The following USH2A variants were observed in gnomAD, a reference collection of about 807,000 sequenced individuals.
USH2A encodes Usher syndrome 2A (autosomal recessive, mild).
Under a neutral mutation model 538.9 loss-of-function variants are expected in USH2A, and 443 were observed. That is an observed-to-expected ratio of 0.82 (90% CI 0.76 to 0.89). USH2A has a LOEUF of 0.89. Ranked by LOEUF, USH2A falls within the 40% of genes least tolerant of loss-of-function variation. USH2A has a pLI of 0.00. For synonymous variants in USH2A, 2,413 were observed against 2,273.5 expected, an observed-to-expected ratio of 1.06 and a Z score of -1.75; for missense variants, 6,633 against 6,324.8, an observed-to-expected ratio of 1.05 and a Z score of -1.65.
intron 61 of USH2A, among the ~76,000 whole-genome samples, chr1:215,710,956 GCAAGCAATCTA>G (rs1430681425): frequency 1.3e-5 from 2 of 151,590 alleles, no homozygotes; most frequent in Non-Finnish European, 2.9e-5. Flanking sequence ...GATCCTCAAG[GCAAGCAATCTA>G]CTAACACTGC....
At chr1:215,838,433 C>G (rs1663589832) in intron 46 of USH2A, among the ~76,000 whole-genome samples, 1 of 152,142 alleles carries the variant, frequency 6.6e-6, no homozygotes, top group South Asian at 2.1e-4. Context: ...AGTTTGCAAG[C>G]ATAACAGGTT....
At chr1:215,801,286 G>A (rs200918173) in intron 49 of USH2A, among the ~76,000 whole-genome samples, 1 of 150,928 alleles carries the variant, frequency 6.6e-6, no homozygotes, top group Non-Finnish European at 1.5e-5. Flanking sequence ...ATTATGGCTA[G>A]AGCAATAGGC....
intron 21 of USH2A, among the ~76,000 whole-genome samples, chr1:216,134,590 A>G (rs750400947): frequency 1.3e-4 from 20 of 152,168 alleles, no homozygotes; most frequent in Non-Finnish European, 2.9e-4. Context: ...ATCAACTTAA[A>G]GTCCATCCCT....
rs542383723 is a variant in USH2A, at chr1:216,067,884, T to C, written c.6049+2217A>G. 1.5e-4 allele frequency among the ~76,000 whole-genome samples: 23 copies of C among 152,200 alleles called. 2 individuals are homozygous for C. The South Asian group carries it at 4.8e-3, about 32-fold the overall frequency. On this transcript the variant is annotated intron_variant, in intron 30 of 71. Transcript: ENST00000307340. The stretch of plus-strand genomic sequence containing the variant: ...AGCAGCATCTATCTGGTATTTGATG[T>C]TATGAGAGTCAATAAGGCTTCTGGA...
chr1:215,921,424 A>G (rs1196698450), intron 38 of USH2A, among the ~76,000 whole-genome samples: 1 of 151,994 alleles, frequency 6.6e-6, no homozygotes, highest in Non-Finnish European at 1.5e-5. Flanking sequence ...TAAACTTTAG[A>G]GCATGGGTTA....
chr1:216,339,456 T>A (rs2038034173), intron 4 of USH2A, among the ~76,000 whole-genome samples: 1 of 151,728 alleles, frequency 6.6e-6, no homozygotes, highest in Non-Finnish European at 1.5e-5. Flanking sequence ...AGAACACACA[T>A]GATAATGATA....
chr1:216,000,665 G>T, intron 32 of USH2A, 103 bp from the exon 33 acceptor site: 1 of 1,407,968 alleles, frequency 7.1e-7, no homozygotes, highest in Non-Finnish European at 1.0e-6. Flanking sequence ...GTTAAGATAA[G>T]GCTTAAAATA....
In USH2A at chr1:215,887,148, C is replaced by T. The variant is rs182183802; in HGVS notation, c.8223+1278G>A. On this transcript the variant is annotated intron_variant, in intron 41 of 71. Coordinates refer to ENST00000307340, the MANE Select transcript of USH2A (RefSeq NM_206933.4). Reference sequence around the variant, plus strand: ...CTGGGATTACAGGCGTGAGCCACCGCACCCGGCCTGAAAATACTTACTCTT... The same window carrying T: ...CTGGGATTACAGGCGTGAGCCACCGTACCCGGCCTGAAAATACTTACTCTT... Among the ~76,000 whole-genome samples, 283 of 152,328 alleles carry T rather than the reference C, an allele frequency of 1.9e-3. 1 individual carries two copies. Among genetic ancestry groups the T allele is most frequent in the African/African-American group, 6.7e-3 (277 of 41,576 alleles).
At chr1:215,926,454 C>A (rs1229400830) in intron 38 of USH2A, among the ~76,000 whole-genome samples, 2 of 151,862 alleles carry the variant, frequency 1.3e-5, no homozygotes, top group East Asian at 1.9e-4. Context: ...TTTCTTTTTT[C>A]TTTTAAGGCA....
At chr1:216,415,749 A>T (rs1173194977) in intron 3 of USH2A, among the ~76,000 whole-genome samples, 2 of 150,974 alleles carry the variant, frequency 1.3e-5, no homozygotes, top group African/African-American at 2.4e-5. Context: ...CTGGCCTCGA[A>T]CTCCTGGTTC....
At chr1:215,886,329 A>G (rs1419288040) in intron 41 of USH2A, among the ~76,000 whole-genome samples, 1 of 152,228 alleles carries the variant, frequency 6.6e-6, no homozygotes, top group East Asian at 1.9e-4. Context: ...ACCTCTGTTT[A>G]CCAGCTAAGC....
rs1489038330 is a variant in USH2A, at chr1:215,788,259, C to T, written c.10183-1385G>A. 2.6e-5 allele frequency among the ~76,000 whole-genome samples: 4 copies of T among 152,114 alleles called. No individual in the cohort carries two copies. In the East Asian group the frequency reaches 5.8e-4, roughly 22 times the overall value. On this transcript the variant is annotated intron_variant, in intron 51 of 71. Coordinates refer to ENST00000307340, the MANE Select transcript of USH2A (RefSeq NM_206933.4). ...AGTGATGTCCATGTTTCCCTTTTCT[C>T]TCTGGGAACATGGGATGTTGAAACC...
chr1:216,270,313 T>G (rs939278115), intron 11 of USH2A, among the ~76,000 whole-genome samples: 2 of 152,132 alleles, frequency 1.3e-5, no homozygotes, highest in African/African-American at 2.4e-5. Context: ...ACAGGAAATC[T>G]GTCCCGGAAA....
rs1352188508 is a variant in USH2A, at chr1:215,674,120, G to T, written c.13791C>A (p.Asn4597Lys). ...NSFGMQSYIV[N>K]QLKPFHRYEI... ...CCTACCTGTGAAATGGCTTCAGCTG[G>T]TTTACTATATATGACTGCATACCAA... is the stretch of plus-strand genomic sequence containing the variant. The change falls in exon 63 of 72, where the codon AAC (asparagine) becomes AAA (lysine). Residue 4597 changes from asparagine to lysine, a missense_variant. By Grantham distance (94) the Asn-to-Lys change is moderately conservative (BLOSUM62 0). Transcript: ENST00000307340. 7 of 1,614,048 alleles carry T rather than the reference G, an allele frequency of 4.3e-6. No homozygotes were observed. Among genetic ancestry groups the T allele is most frequent in the Non-Finnish European group, 4.2e-6 (5 of 1,179,992 alleles).
intron 67 of USH2A, among the ~76,000 whole-genome samples, chr1:215,646,675 T>C (rs1326480839): frequency 1.3e-5 from 2 of 152,046 alleles, no homozygotes; most frequent in African/African-American, 4.8e-5. Flanking sequence ...TACAGGTATG[T>C]GTCACCATGC....
chr1:216,167,502 CT>C (rs763765166), intron 21 of USH2A, among the ~76,000 whole-genome samples: 7 of 152,038 alleles, frequency 4.6e-5, no homozygotes, highest in Non-Finnish European at 8.8e-5. Flanking sequence ...GGAAACATGC[CT>C]TAAGTGAGCA....
chr1:216,093,476 C>A (rs2032354502), intron 22 of USH2A, among the ~76,000 whole-genome samples: 1 of 152,138 alleles, frequency 6.6e-6, no homozygotes, highest in Middle Eastern at 3.2e-3. Flanking sequence ...CGCTTTGCAC[C>A]AGCCTGTCCA....
intron 21 of USH2A, among the ~76,000 whole-genome samples, chr1:216,166,845 C>T (rs147169807): frequency 1.2e-4 from 18 of 152,146 alleles, no homozygotes; most frequent in African/African-American, 4.1e-4. Context: ...TCAATCATTC[C>T]CACACATTTC....
intron 58 of USH2A, 49 bp from the exon 59 acceptor site, chr1:215,743,384 ATATGTGTGTG>A: frequency 4.4e-6 from 2 of 449,578 alleles, no homozygotes; most frequent in African/African-American, 7.9e-5. Flanking sequence ...ATATATATAT[ATATGTGTGTG>A]TGTGTGTGTG....
Sources: allele counts gnomAD v4.1 joint callset (sites outside exome capture counted in the v4.1 genomes callset), GRCh38; gene constraint gnomAD v4.1.1; transcripts MANE v1.5; gene names NCBI Gene and HGNC (gene_info 2026-07-23, HGNC 2026-07-21).